CHCHD6: variants seen among roughly 807,000 people sequenced by gnomAD.
The protein encoded by CHCHD6 is MICOS complex subunit MIC25.
Under a neutral mutation model 32.3 loss-of-function variants are expected in CHCHD6, and 28 were observed. The ratio of observed to expected loss-of-function variants is 0.87; its 90% CI spans 0.64 to 1.19. CHCHD6 has a LOEUF of 1.19. CHCHD6 is among the 50% of genes most tolerant of loss of function. CHCHD6 has a pLI of 0.00. For missense variants in CHCHD6, 333 were observed against 307.0 expected, an observed-to-expected ratio of 1.08 and a Z score of -0.63; for synonymous variants, 122 against 117.5, an observed-to-expected ratio of 1.04 and a Z score of -0.25.
At chr3:126,867,107 C>T (rs1942314239) in intron 5 of CHCHD6, among the ~76,000 whole-genome samples, 2 of 152,198 alleles carry the variant, frequency 1.3e-5, no homozygotes, top group Non-Finnish European at 2.9e-5. Flanking sequence ...TTCTCCTGTT[C>T]TCTTTCATTG....
intron 6 of CHCHD6, among the ~76,000 whole-genome samples, chr3:126,945,929 G>A (rs1177123303): frequency 6.6e-6 from 1 of 152,066 alleles, no homozygotes; most frequent in Non-Finnish European, 1.5e-5. Flanking sequence ...TGGGGAACAG[G>A]CAGCCACCCA....
chr3:126,772,340 C>T (rs577373121), intron 4 of CHCHD6, among the ~76,000 whole-genome samples: 36 of 152,186 alleles, frequency 2.4e-4, no homozygotes, highest in African/African-American at 6.5e-4. Context: ...TGACCTCGTC[C>T]GCCTGCTTCA....
chr3:126,730,631 G>A lies in CHCHD6; in HGVS notation c.266+1G>A, dbSNP rs749251177. The stretch of plus-strand genomic sequence containing the variant: ...CAGGGATGAAGGAGGGTGTCAAGAG[G>A]TGAGCCCGAGAGCCTGCTTGCTCCC... On this transcript the variant is annotated splice_donor_variant, in intron 3 of 7. Transcript: ENST00000290913. LOFTEE classifies it high-confidence loss of function. The A allele has an allele frequency of 1.6e-5, 26 of 1,613,534 alleles. No individual in the cohort carries two copies. The highest frequency in any genetic ancestry group is 2.1e-5 in the Non-Finnish European group (25 of 1,179,666).
At chr3:126,867,998 C>T (rs1942345609) in intron 5 of CHCHD6, among the ~76,000 whole-genome samples, 1 of 152,242 alleles carries the variant, frequency 6.6e-6, no homozygotes, top group South Asian at 2.1e-4. Context: ...CTGCTTGTGG[C>T]TCCAGGCCCT....
chr3:126,878,029 T>C (rs2077562808), intron 5 of CHCHD6, among the ~76,000 whole-genome samples: 2 of 152,220 alleles, frequency 1.3e-5, no homozygotes, highest in Non-Finnish European at 2.9e-5. Context: ...TTACAAGCTG[T>C]TTTATTTGTA....
chr3:126,734,740 C>A (rs534086009), intron 4 of CHCHD6, among the ~76,000 whole-genome samples: 1 of 152,100 alleles, frequency 6.6e-6, no homozygotes, highest in Non-Finnish European at 1.5e-5. Context: ...AGATCAGAGA[C>A]GGCATTAAAC....
At chr3:126,810,809 T>G (rs553761297) in intron 4 of CHCHD6, among the ~76,000 whole-genome samples, 1 of 152,312 alleles carries the variant, frequency 6.6e-6, no homozygotes, top group Admixed American at 6.5e-5. Context: ...GCTATCATAC[T>G]ACCGTGTAAA....
At chr3:126,834,092 C>T (rs553444577) in intron 4 of CHCHD6, among the ~76,000 whole-genome samples, 13 of 139,804 alleles carry the variant, frequency 9.3e-5, no homozygotes, top group East Asian at 8.4e-4. Flanking sequence ...TTACCAATAA[C>T]GTTACTTAAT....
chr3:126,914,222 A>C (rs1049493500), intron 5 of CHCHD6, among the ~76,000 whole-genome samples: 2 of 152,222 alleles, frequency 1.3e-5, no homozygotes, highest in African/African-American at 4.8e-5. Context: ...CCTATAAAAT[A>C]GGGGTTGGAC....
chr3:126,766,498 T>C, intron 4 of CHCHD6: 1 of 755,618 alleles, frequency 1.3e-6, no homozygotes, highest in Non-Finnish European at 2.4e-6. Flanking sequence ...CTCACTTTTG[T>C]CTCTTGGTGT....
chr3:126,840,998 T>C (rs7636046), intron 4 of CHCHD6, among the ~76,000 whole-genome samples: 4,321 of 152,194 alleles, frequency 0.028, 95 homozygotes, highest in African/African-American at 0.061. Context: ...CACCCACTAA[T>C]TTGTCATCTA....
intron 4 of CHCHD6, among the ~76,000 whole-genome samples, chr3:126,778,117 A>T (rs1030765541): frequency 3.3e-5 from 5 of 152,160 alleles, no homozygotes; most frequent in Admixed American, 3.3e-4. Context: ...ATTTCCTTCT[A>T]CCACCAATAT....
At chr3:126,799,601 C>A (rs930838685) in intron 4 of CHCHD6, among the ~76,000 whole-genome samples, 1 of 152,166 alleles carries the variant, frequency 6.6e-6, no homozygotes, top group Non-Finnish European at 1.5e-5. Flanking sequence ...AGCAGAGATT[C>A]TCAGAGCTCG....
chr3:126,907,704 C>T (rs1439609486), intron 5 of CHCHD6, among the ~76,000 whole-genome samples: 3 of 152,158 alleles, frequency 2.0e-5, no homozygotes, highest in Non-Finnish European at 4.4e-5. Flanking sequence ...CAATCTGTTC[C>T]TCTCAGATTT....
rs151238126 is a variant in CHCHD6, at chr3:126,936,005, C to A, written c.566+21255C>A. Among the ~76,000 whole-genome samples, 934 of 152,296 alleles carry A rather than the reference C, an allele frequency of 6.1e-3. 9 individuals are homozygous for A. The highest frequency in any genetic ancestry group is 0.021 in the African/African-American group (893 of 41,560). On this transcript the variant is annotated intron_variant, in intron 6 of 7. Transcript: ENST00000290913. ...CCCAGGAAATCCATAGATGGAAAGA[C>A]CTTGGCCGCTCCTATGGAATGTACA... is the stretch of plus-strand genomic sequence containing the variant.
At chr3:126,753,916 G>A (rs540023233) in intron 4 of CHCHD6, among the ~76,000 whole-genome samples, 1 of 152,352 alleles carries the variant, frequency 6.6e-6, no homozygotes, top group South Asian at 2.1e-4. Flanking sequence ...GAGGGGTGGA[G>A]AGGAAAGGGA....
chr3:126,805,433 A>G (rs1332539428), intron 4 of CHCHD6, among the ~76,000 whole-genome samples: 1 of 152,138 alleles, frequency 6.6e-6, no homozygotes. Context: ...CCAAATCATG[A>G]GTGAACTCCC....
chr3:126,718,865 T>G (rs529339232), intron 1 of CHCHD6, among the ~76,000 whole-genome samples: 2 of 152,338 alleles, frequency 1.3e-5, no homozygotes, highest in East Asian at 3.8e-4. Context: ...GACTGCTGTG[T>G]GTGTATGTAT....
In CHCHD6 at chr3:126,812,315, GTT is replaced by G. The variant is rs11360867; in HGVS notation, c.412-40318_412-40317del. ...TGATCAGAGTCTTTAGTCCATGTGTGTTTTTTTTTTTTTTTGGCATGATGTTA... is the reference window on the plus strand; with the variant it reads ...TGATCAGAGTCTTTAGTCCATGTGTGTTTTTTTTTTTTTGGCATGATGTTA... On this transcript the variant is annotated intron_variant, in intron 4 of 7. Coordinates refer to ENST00000290913, the MANE Select transcript of CHCHD6 (RefSeq NM_032343.3). Among the ~76,000 whole-genome samples the G allele has an allele frequency of 5.3e-3, 601 of 113,212 alleles. 1 individual carries two copies. The highest frequency in any genetic ancestry group is 0.016 in the African/African-American group (482 of 30,994). The allele number at this position is 113,212 out of a possible 152,430, so 74.3% of individuals were successfully genotyped here.
Sources: gnomAD v4.1 joint callset for allele counts (sites outside exome capture counted in the v4.1 genomes callset) on GRCh38, gnomAD v4.1.1 for gene constraint, MANE v1.5 for transcripts, NCBI Gene and HGNC (gene_info 2026-07-23, HGNC 2026-07-21) for gene names.